Variants in SEMA3D observed in about 807,000 individuals in gnomAD.
The protein encoded by SEMA3D is semaphorin-3D.
A neutral mutation model predicts 100.1 loss-of-function variants in SEMA3D; 84 were observed. The ratio of observed to expected loss-of-function variants is 0.84; its 90% CI spans 0.70 to 1.01. The LOEUF (loss-of-function observed/expected upper bound fraction) is 1.01, where lower values mean the gene tolerates loss of function less well. Ranked by LOEUF, SEMA3D falls within the 50% of genes least tolerant of loss-of-function variation. The pLI, the probability that SEMA3D is intolerant of heterozygous loss-of-function variation, is 0.00. For missense variants in SEMA3D, 875 were observed against 934.1 expected (o/e 0.94, Z 0.82); for synonymous variants, 312 against 320.7 (o/e 0.97, Z 0.29).
intron 12 of SEMA3D, chr7:85,029,476 T>C: frequency 1.4e-6 from 1 of 705,724 alleles, no homozygotes; most frequent in African/African-American, 1.7e-5. Flanking sequence ...TCTTAGCAAG[T>C]GCCATGAAAT....
intron 1 of SEMA3D, among the ~76,000 whole-genome samples, chr7:85,169,160 A>C (rs1336084677): frequency 6.6e-6 from 1 of 151,824 alleles, no homozygotes; most frequent in African/African-American, 2.4e-5. Context: ...ATATTCTGAA[A>C]CTGACAGTTT....
At chr7:85,216,477 A>G in the SEMA3D span, among the ~76,000 whole-genome samples, 1 of 151,942 alleles carries the variant, frequency 6.6e-6, no homozygotes, top group African/African-American at 2.4e-5. Flanking sequence ...GCATGTATAC[A>G]ATTGTTGAAA....
At chr7:85,189,772 T>C (rs539627587), upstream of SEMA3D, among the ~76,000 whole-genome samples, 1 of 152,334 alleles carries the variant, frequency 6.6e-6, no homozygotes, top group Non-Finnish European at 1.5e-5. Context: ...GACATACTAC[T>C]CCTCACCCAT....
intron 3 of SEMA3D, among the ~76,000 whole-genome samples, chr7:85,099,891 AT>A (rs1343293274): frequency 3.9e-5 from 6 of 151,960 alleles, no homozygotes; most frequent in Admixed American, 6.6e-5. Flanking sequence ...TTTTCTTATC[AT>A]TGAATTTCAA....
intron 9 of SEMA3D, among the ~76,000 whole-genome samples, chr7:85,045,701 T>C (rs556483954): frequency 1.8e-4 from 27 of 152,008 alleles, no homozygotes; most frequent in African/African-American, 6.5e-4. Context: ...AATGTAACAA[T>C]GAGTTCTGTG....
chr7:85,182,463 G>A (rs961355248), intron 1 of SEMA3D, among the ~76,000 whole-genome samples: 2 of 152,128 alleles, frequency 1.3e-5, no homozygotes, highest in African/African-American at 4.8e-5. Flanking sequence ...TACTTCAATA[G>A]TATTTAGAAT....
At chr7:85,061,785 C>T (rs1293609276) in intron 8 of SEMA3D, among the ~76,000 whole-genome samples, 4 of 152,190 alleles carry the variant, frequency 2.6e-5, no homozygotes, top group African/African-American at 4.8e-5. Flanking sequence ...TCCTGAATGA[C>T]TGAATCTCCT....
rs189791725 is a variant in SEMA3D, at chr7:85,062,909, G to C, written c.718+2515C>G. 2.0e-3 allele frequency among the ~76,000 whole-genome samples: 306 copies of C among 152,136 alleles called. 1 individual carries two copies. Among genetic ancestry groups the C allele is most frequent in the African/African-American group, 7.0e-3 (290 of 41,508 alleles). ...CACAGAATTATGAAGTGTAGAGGGA[G>C]AGAATGAAAAGGCAGTCAATAATAC... On this transcript the variant is annotated intron_variant, in intron 8 of 18. Transcript: ENST00000284136.
the SEMA3D span, among the ~76,000 whole-genome samples, chr7:85,224,512 T>TA: frequency 1.6e-3 from 236 of 152,218 alleles, no homozygotes; most frequent in African/African-American, 5.2e-3. Context: ...ACTTTGTAGG[T>TA]AAAAAAAGTG....
intron 1 of SEMA3D, among the ~76,000 whole-genome samples, chr7:85,158,079 C>G (rs964450175): frequency 6.6e-6 from 1 of 152,086 alleles, no homozygotes; most frequent in Non-Finnish European, 1.5e-5. Context: ...ACCTCAGGAC[C>G]GTGTGATTAT....
chr7:85,105,845 C>A (rs932226726), intron 3 of SEMA3D, among the ~76,000 whole-genome samples: 1 of 152,034 alleles, frequency 6.6e-6, no homozygotes, highest in African/African-American at 2.4e-5. Context: ...CTTATTATGT[C>A]ATGGGGTCTG....
At chr7:85,195,976 G>T in the SEMA3D span, among the ~76,000 whole-genome samples, 3 of 151,998 alleles carry the variant, frequency 2.0e-5, no homozygotes, top group Non-Finnish European at 4.4e-5. Context: ...TGAGTCCTGA[G>T]GTAATCAGGA....
intron 5 of SEMA3D, among the ~76,000 whole-genome samples, chr7:85,078,262 T>C (rs1456999786): frequency 6.6e-6 from 1 of 151,720 alleles, no homozygotes; most frequent in Non-Finnish European, 1.5e-5. Flanking sequence ...ATTTTAGTTT[T>C]AGACTTTCTT....
intron 8 of SEMA3D, among the ~76,000 whole-genome samples, chr7:85,060,094 T>G (rs1160383900): frequency 6.6e-6 from 1 of 152,224 alleles, no homozygotes. Flanking sequence ...AGTCTTATTC[T>G]GTTTATTCAG....
At chr7:85,085,398 G>C (rs1788186603) in intron 4 of SEMA3D, among the ~76,000 whole-genome samples, 1 of 152,098 alleles carries the variant, frequency 6.6e-6, no homozygotes, top group Non-Finnish European at 1.5e-5. Flanking sequence ...AATTAAATGT[G>C]AATATATTCA....
At chr7:85,218,579 C>A in the SEMA3D span, among the ~76,000 whole-genome samples, 50 of 152,106 alleles carry the variant, frequency 3.3e-4, no homozygotes, top group Admixed American at 5.9e-4. Flanking sequence ...TAAATCAGCT[C>A]TTTTTGTGTC....
the SEMA3D span, among the ~76,000 whole-genome samples, chr7:85,211,487 G>A: frequency 6.6e-6 from 1 of 152,072 alleles, no homozygotes; most frequent in Non-Finnish European, 1.5e-5. Flanking sequence ...ACAGAATTAT[G>A]TTTGCTGTTG....
At chr7:85,128,025 T>C (rs1437854203) in intron 2 of SEMA3D, among the ~76,000 whole-genome samples, 1 of 151,856 alleles carries the variant, frequency 6.6e-6, no homozygotes, top group African/African-American at 2.4e-5. Flanking sequence ...CTCTTAGGTA[T>C]ATCTGCTTTT....
chr7:85,193,020 T>C, the SEMA3D span, among the ~76,000 whole-genome samples: 2 of 152,158 alleles, frequency 1.3e-5, no homozygotes, highest in Non-Finnish European at 2.9e-5. Context: ...ACTTCTGGGT[T>C]TCAGTCCAGC....
Sources: gnomAD v4.1 joint callset for allele counts (sites outside exome capture counted in the v4.1 genomes callset) on GRCh38, gnomAD v4.1.1 for gene constraint, MANE v1.5 for transcripts, NCBI Gene and HGNC (gene_info 2026-07-23, HGNC 2026-07-21) for gene names.